F10: variants seen among roughly 807,000 people sequenced by gnomAD.
F10 encodes coagulation factor X.
A neutral mutation model predicts 37.1 loss-of-function variants in F10; 29 were observed. The observed-to-expected ratio is 0.78, with a 90% CI of 0.58 to 1.07. The LOEUF (loss-of-function observed/expected upper bound fraction) is 1.07, where lower values mean the gene tolerates loss of function less well. Among genes scored for constraint, F10 ranks in the 50% least tolerant of loss-of-function variants. The pLI, the probability that F10 is intolerant of heterozygous loss-of-function variation, is 0.00. For synonymous variants in F10, 262 were observed against 268.6 expected (o/e 0.98, Z 0.24); for missense variants, 539 against 667.9 (o/e 0.81, Z 2.13).
At chr13:113,123,003 T>C in intron 1 of F10, 78 bp downstream of exon 1, 1 of 1,506,750 alleles carries the variant, frequency 6.6e-7, no homozygotes, top group Non-Finnish European at 9.0e-7. Flanking sequence ...AACCCTCTCA[T>C]CTCTGCAGCC....
At chr13:113,148,126 T>G (rs2036598981) in intron 7 of F10, among the ~76,000 whole-genome samples, 1 of 151,930 alleles carries the variant, frequency 6.6e-6, no homozygotes. Flanking sequence ...GGTCAGGAGT[T>G]TGAGATCAGC....
At chr13:113,145,138 C>T (rs1013550567) in intron 6 of F10, among the ~76,000 whole-genome samples, 10 of 152,188 alleles carry the variant, frequency 6.6e-5, no homozygotes, top group African/African-American at 1.9e-4. Flanking sequence ...CCTCAGCCTC[C>T]CAAAGTGCTG....
Position 113,143,720 on chromosome 13 carries a change from G to C in F10, c.503-131G>C. On this transcript the variant is annotated intron_variant, in intron 5 of 7. Transcript: ENST00000375559. This position sits in a 1 kb window ranked among gnomAD's most constrained non-coding sequence, Gnocchi z 6.8. Reference sequence around the variant, plus strand: ...GACGACGTGGGGCCTCGCCCTGCAAGCCCGCTGCCCCTCCGGGTGCCCCTG... The same window carrying C: ...GACGACGTGGGGCCTCGCCCTGCAACCCCGCTGCCCCTCCGGGTGCCCCTG... 2.1e-6 allele frequency: 3 copies of C among 1,419,356 alleles called. No individual in the cohort carries two copies. The highest frequency in any genetic ancestry group is 2.9e-6 in the Non-Finnish European group (3 of 1,042,530). 87.9% of individuals were successfully genotyped at this position (1,419,356 alleles called of 1,614,324 possible).
At chr13:113,135,685 A>T (rs1595091576) in intron 2 of F10, among the ~76,000 whole-genome samples, 2 of 152,362 alleles carry the variant, frequency 1.3e-5, no homozygotes, top group East Asian at 3.9e-4. Context: ...TGGAACAATT[A>T]TATATTTATA....
In F10 at chr13:113,129,458, T is replaced by C. The variant is rs2036405117; in HGVS notation, c.77T>C (p.Ile26Thr). 1.9e-6 allele frequency: 3 copies of C among 1,613,770 alleles called. No homozygotes were observed. In the Admixed American group the frequency reaches 5.0e-5, roughly 27 times the overall value. ...GLLLLGESLF[I>T]RREQANNILA... Reference sequence around the variant, plus strand: ...TGTCCTCCCTGCCTTCCAGTGTTCATCCGCAGGGAGCAGGCCAACAACATC... The same window carrying C: ...TGTCCTCCCTGCCTTCCAGTGTTCACCCGCAGGGAGCAGGCCAACAACATC... Residue 26 changes from isoleucine to threonine, a missense_variant, in exon 2 of 8, where the codon ATC (isoleucine) becomes ACC (threonine). Ile to Thr is a moderately conservative substitution (Grantham distance 89). Transcript: ENST00000375559.
intron 6 of F10, among the ~76,000 whole-genome samples, chr13:113,145,096 G>A (rs543353310): frequency 3.3e-4 from 50 of 152,092 alleles, no homozygotes; most frequent in Non-Finnish European, 6.8e-4. Flanking sequence ...TAGCCAGGAT[G>A]GTCTCCATCT....
At position 113,143,702 on chromosome 13, in the gene F10, T is replaced by G; in HGVS notation, c.503-149T>G. ...GCAGATCCGACCCCTGCCGACGACG[T>G]GGGGCCTCGCCCTGCAAGCCCGCTG... On this transcript the variant is annotated intron_variant, in intron 5 of 7. Coordinates refer to ENST00000375559, the MANE Select transcript of F10 (RefSeq NM_000504.4). This position sits in a 1 kb window ranked among gnomAD's most constrained non-coding sequence, Gnocchi z 6.8. 6.1e-6 allele frequency: 7 copies of G among 1,153,608 alleles called. No homozygotes were observed. Among genetic ancestry groups the G allele is most frequent in the African/African-American group, 1.6e-5 (1 of 64,098 alleles). The allele number at this position is 1,153,608 out of a possible 1,614,324, so 71.5% of individuals were successfully genotyped here.
At chr13:113,133,369 A>G (rs1465432160) in intron 2 of F10, among the ~76,000 whole-genome samples, 1 of 152,190 alleles carries the variant, frequency 6.6e-6, no homozygotes, top group African/African-American at 2.4e-5. Flanking sequence ...AGGGGACATC[A>G]CTACAGAAAC....
rs3211800 is a variant in F10, at chr13:113,147,586, G to C, written c.865+90G>C. 5,908 of 847,178 alleles carry C rather than the reference G, an allele frequency of 7.0e-3. 216 individuals carry two copies. In the African/African-American group the frequency reaches 0.085, roughly 12 times the overall value. The allele number at this position is 847,178 out of a possible 1,614,324, so 52.5% of individuals were successfully genotyped here. A position where few individuals can be genotyped will look rare whatever the true frequency, so the allele number is the denominator to read the frequency against. ...CACTAAAGCTGATGGAATTTGTTGGGAACACTGGTTGAAATCCTGAAATCC... is the reference window on the plus strand; with the variant it reads ...CACTAAAGCTGATGGAATTTGTTGGCAACACTGGTTGAAATCCTGAAATCC... On this transcript the variant is annotated intron_variant, in intron 7 of 7. Coordinates refer to ENST00000375559, the MANE Select transcript of F10 (RefSeq NM_000504.4).
chr13:113,148,932 G>T lies in F10; in HGVS notation c.882G>T (p.Glu294Asp), dbSNP rs772703750. Residue 294 changes from glutamate (E) to aspartate (D), a missense_variant, in exon 8 of 8, where the codon GAG becomes GAT. Glu to Asp is a conservative substitution (Grantham distance 45). This residue lies in a region of F10 where 409 missense variants were observed against 547.9 expected (regional missense o/e 0.75). Coordinates refer to ENST00000375559, the MANE Select transcript of F10 (RefSeq NM_000504.4). Reference protein sequence around the residue: ...FKVRVGDRNTEQEEGGEAVHE... With the variant: ...FKVRVGDRNTDQEEGGEAVHE... Reference sequence around the variant, plus strand: ...CTGTCCCAGGGGACCGGAACACGGAGCAGGAGGAGGGCGGTGAGGCGGTGC... The same window carrying T: ...CTGTCCCAGGGGACCGGAACACGGATCAGGAGGAGGGCGGTGAGGCGGTGC... 2.1e-5 allele frequency: 34 copies of T among 1,613,374 alleles called. No individual in the cohort carries two copies. The highest frequency in any genetic ancestry group is 5.0e-5 in the Admixed American group (3 of 60,006).
Position 113,141,999 on chromosome 13 carries a change from CCTT to C in F10, c.502+953_502+955del, listed in dbSNP as rs1196923500. Among the ~76,000 whole-genome samples the C allele has an allele frequency of 2.0e-5, 3 of 152,320 alleles. No homozygotes were observed. Among genetic ancestry groups the C allele is most frequent in the Non-Finnish European group, 4.4e-5 (3 of 68,038 alleles). ...TGTTCTGTCACTCTTCCTTTCATAT[CCTT>C]CTTACCGAAAACAATTTACTTCCAA... On this transcript the variant is annotated intron_variant, in intron 5 of 7. Coordinates refer to ENST00000375559, the MANE Select transcript of F10 (RefSeq NM_000504.4). This position sits in a 1 kb window ranked among gnomAD's most constrained non-coding sequence, Gnocchi z 5.4.
At chr13:113,138,426 A>C in intron 2 of F10, 31 bp from the exon 3 acceptor site, 1 of 1,070,370 alleles carries the variant, frequency 9.3e-7, no homozygotes, top group South Asian at 1.3e-5. Flanking sequence ...GTTTTCCCTA[A>C]TATATTTTTA....
chr13:113,148,366 A>ATATATATATGTG (rs2036604376), intron 7 of F10, among the ~76,000 whole-genome samples: 1 of 94,774 alleles, frequency 1.1e-5, no homozygotes, highest in East Asian at 3.9e-4. Context: ...ATATATATGT[A>ATATATATATGTG]TATATATATG....
chr13:113,130,189 C>G, intron 2 of F10: 1 of 176,088 alleles, frequency 5.7e-6, no homozygotes. Context: ...GGCCGCGAAC[C>G]CAGCACGGTG....
chr13:113,127,983 G>A (rs983323538), intron 1 of F10, among the ~76,000 whole-genome samples: 2 of 152,270 alleles, frequency 1.3e-5, no homozygotes, highest in East Asian at 1.9e-4. Flanking sequence ...AGGCTGGTGA[G>A]CTGATTGGGT....
chr13:113,134,456 A>G (rs143189010), intron 2 of F10, among the ~76,000 whole-genome samples: 15 of 152,330 alleles, frequency 9.8e-5, no homozygotes, highest in African/African-American at 3.4e-4. Context: ...TGTAGGAGGG[A>G]GAAGAATGAG....
chr13:113,122,942 C>G lies in F10; in HGVS notation c.70+17C>G. 1 of 1,607,828 alleles carries G rather than the reference C, an allele frequency of 6.2e-7. No individual in the cohort carries two copies. The highest frequency in any genetic ancestry group is 8.5e-7 in the Non-Finnish European group (1 of 1,179,862). ...GGGAAAGTCGTAAGTGCCCCTCGCC[C>G]TTCAGACCCAAAAGCAGCGCCAGGG... is the stretch of plus-strand genomic sequence containing the variant. On this transcript the variant is annotated intron_variant, in intron 1 of 7. Transcript: ENST00000375559.
intron 2 of F10, chr13:113,129,892 T>C: frequency 2.1e-6 from 1 of 466,618 alleles, no homozygotes; most frequent in South Asian, 2.1e-5. Flanking sequence ...AGTTAAGTTC[T>C]ATTTAAAAAT....
intron 2 of F10, chr13:113,130,290 G>A (rs530903739): frequency 1.5e-4 from 24 of 155,792 alleles, no homozygotes; most frequent in Middle Eastern, 3.3e-3. Flanking sequence ...ACCAGGCCGC[G>A]ATTGCGCAGC....
Sources: allele counts gnomAD v4.1 joint callset (sites outside exome capture counted in the v4.1 genomes callset), GRCh38; gene constraint gnomAD v4.1.1; regional missense constraint gnomAD v4.1.1; non-coding constraint Gnocchi (gnomAD v3.1); transcripts MANE v1.5; gene names NCBI Gene and HGNC (gene_info 2026-07-23, HGNC 2026-07-21).